The following CPXM2 variants were observed in gnomAD, a reference collection of about 807,000 sequenced individuals.
CPXM2 encodes the protein carboxypeptidase X, M14 family member 2, also known as inactive carboxypeptidase-like protein X2.
Under a neutral mutation model 86.1 loss-of-function variants are expected in CPXM2, and 66 were observed. The observed-to-expected ratio is 0.77, with a 90% CI of 0.63 to 0.94. The LOEUF is 0.94. Among genes scored for constraint, CPXM2 ranks in the 40% least tolerant of loss-of-function variants. The probability of loss-of-function intolerance (pLI) is 0.00; values close to 1 mark genes in which losing one functional copy is unlikely to be tolerated. For missense variants in CPXM2, 948 were observed against 1,026.3 expected, an observed-to-expected ratio of 0.92 and a Z score of 1.04; for synonymous variants, 388 against 400.2, an observed-to-expected ratio of 0.97 and a Z score of 0.36.
intron 2 of CPXM2, among the ~76,000 whole-genome samples, chr10:123,929,841 C>T (rs1349384474): frequency 6.6e-6 from 1 of 152,190 alleles, no homozygotes; most frequent in Admixed American, 6.5e-5. Context: ...GCCAAAGACC[C>T]CATCTGTAAT....
At chr10:123,785,800 AT>A (rs1217492495) in intron 6 of CPXM2, among the ~76,000 whole-genome samples, 5 of 151,648 alleles carry the variant, frequency 3.3e-5, no homozygotes, top group African/African-American at 9.7e-5. Flanking sequence ...GCCTGGCTAA[AT>A]TTTTTGTATT....
rs773246582 is a variant in CPXM2 at position 123,762,091 on chromosome 10, CGCCGCCCTGCAGGTT to C, written c.1543_1557del (p.Asn515_Gly519del). 3 of 1,614,132 alleles carry C rather than the reference CGCCGCCCTGCAGGTT, an allele frequency of 1.9e-6. No individual in the cohort carries two copies. Among genetic ancestry groups the C allele is most frequent in the East Asian group, 2.2e-5 (1 of 44,872 alleles). On this transcript the variant is annotated inframe_deletion, in exon 11 of 14. Coordinates refer to ENST00000241305, the MANE Select transcript of CPXM2 (RefSeq NM_198148.3). ...TCGTAGGGGTACGCCACCACCAGCT[CGCCGCCCTGCAGGTT>C]GCCGCCCAGCACAAAAGGGATTTTT...
intron 2 of CPXM2, among the ~76,000 whole-genome samples, chr10:123,935,689 G>A (rs1414829182): frequency 6.6e-6 from 1 of 152,136 alleles, no homozygotes; most frequent in Non-Finnish European, 1.5e-5. Flanking sequence ...CCCAGACAAG[G>A]ATGCAGTCAG....
At chr10:123,768,434 T>C in intron 9 of CPXM2, 92 bp downstream of exon 9, 2 of 688,988 alleles carry the variant, frequency 2.9e-6, no homozygotes, top group Non-Finnish European at 4.4e-6. Context: ...GCTCGGAAGG[T>C]GGAATTTTGC....
intron 6 of CPXM2, among the ~76,000 whole-genome samples, chr10:123,795,155 G>A (rs1225005326): frequency 6.6e-6 from 1 of 152,170 alleles, no homozygotes; most frequent in Non-Finnish European, 1.5e-5. Context: ...GTAGTGATGA[G>A]TACATACACC....
chr10:123,776,975 C>A (rs1024940340), intron 7 of CPXM2: 3 of 152,108 alleles, frequency 2.0e-5, no homozygotes, highest in Non-Finnish European at 4.4e-5. Flanking sequence ...GCCATCGTTC[C>A]TCATTTGTCT....
intron 2 of CPXM2, among the ~76,000 whole-genome samples, chr10:123,932,696 A>G (rs1945676035): frequency 6.6e-6 from 1 of 152,208 alleles, no homozygotes; most frequent in Admixed American, 6.5e-5. Flanking sequence ...ATCAATTTAC[A>G]TAAGGAACGC....
intron 3 of CPXM2, among the ~76,000 whole-genome samples, chr10:123,855,741 A>G (rs946720503): frequency 1.3e-5 from 2 of 152,164 alleles, no homozygotes; most frequent in African/African-American, 4.8e-5. Context: ...ATCCCACCTC[A>G]TTTTAGGTAA....
rs191344681 is a variant in CPXM2 at position 123,929,030 on chromosome 10, C to G, written n.174+10447G>C. Among the ~76,000 whole-genome samples the G allele has an allele frequency of 8.9e-3, 1,363 of 152,308 alleles. 5 individuals carry two copies. The highest frequency in any genetic ancestry group is 0.015 in the Non-Finnish European group (1,010 of 68,030). ...TCCTACAGGGGGCCTATAGCTGGTA[C>G]CTCTCCTAGGCAGGAGTCCAGGACA... On this transcript the variant is annotated intron_variant and non_coding_transcript_variant, in intron 2 of 19. Coordinates refer to the CPXM2 transcript ENST00000368854.
chr10:123,824,107 G>C (rs907884186), intron 4 of CPXM2, among the ~76,000 whole-genome samples: 1 of 152,120 alleles, frequency 6.6e-6, no homozygotes, highest in Non-Finnish European at 1.5e-5. Flanking sequence ...GGACTAAAAA[G>C]CAAAATTTCT....
chr10:123,881,584 T>C (rs1945093646), intron 1 of CPXM2, among the ~76,000 whole-genome samples: 1 of 152,182 alleles, frequency 6.6e-6, no homozygotes, highest in South Asian at 2.1e-4. Flanking sequence ...TGTCCTGACT[T>C]GGGACAAGGA....
At chr10:123,870,599 A>T (rs1944878337) in intron 2 of CPXM2, among the ~76,000 whole-genome samples, 1 of 152,196 alleles carries the variant, frequency 6.6e-6, no homozygotes, top group African/African-American at 2.4e-5. Flanking sequence ...TGCCTTTCTC[A>T]GATACCACTG....
intron 6 of CPXM2, among the ~76,000 whole-genome samples, chr10:123,786,321 G>A (rs17106056): frequency 6.6e-6 from 1 of 152,136 alleles, no homozygotes; most frequent in South Asian, 2.1e-4. Context: ...GAGACGGACG[G>A]GTGGCAAAGG....
In CPXM2 at chr10:123,754,203, T is replaced by C. The variant is rs1397062167; in HGVS notation, c.2017+460A>G. Among the ~76,000 whole-genome samples the C allele has an allele frequency of 6.6e-6, 1 of 152,188 alleles. No homozygotes were observed. Among genetic ancestry groups the C allele is most frequent in the Non-Finnish European group, 1.5e-5 (1 of 68,024 alleles). On this transcript the variant is annotated intron_variant, in intron 13 of 13. Transcript: ENST00000241305. The surrounding 1 kb of genome is among the most constrained non-coding windows in gnomAD (Gnocchi z 4.0). ...CCAACCCACCCCTCCAGCTGTCCTC[T>C]TGCTGCTGGTCCCTTCAAACTCTCC...
chr10:123,750,256 C>A (rs1846045576), intron 13 of CPXM2: 1 of 985,268 alleles, frequency 1.0e-6, no homozygotes. Flanking sequence ...TCCTGAGAGC[C>A]TGAGGGTTCA....
intron 7 of CPXM2, among the ~76,000 whole-genome samples, chr10:123,774,084 A>C (rs1282670764): frequency 2.0e-5 from 3 of 152,242 alleles, no homozygotes; most frequent in Non-Finnish European, 4.4e-5. Flanking sequence ...CAGGCACCTG[A>C]CCATGCAGTA....
In CPXM2 at chr10:123,889,632, A is replaced by G. The variant is rs189246165; in HGVS notation, c.304+1724T>C. Among the ~76,000 whole-genome samples, 322 of 152,348 alleles carry G rather than the reference A, an allele frequency of 2.1e-3. 1 individual carries two copies. Among genetic ancestry groups the G allele is most frequent in the African/African-American group, 7.3e-3 (305 of 41,572 alleles). On this transcript the variant is annotated intron_variant, in intron 1 of 13. Transcript: ENST00000241305. ...GGCAGGCACACTGGAAGCTTTCATT[A>G]AAAAGGTTTTTACAGCAATTGACAA... is the stretch of plus-strand genomic sequence containing the variant.
At chr10:123,859,282 C>T (rs1848804211) in intron 3 of CPXM2, among the ~76,000 whole-genome samples, 1 of 152,246 alleles carries the variant, frequency 6.6e-6, no homozygotes, top group South Asian at 2.1e-4. Context: ...GCATTTCAAA[C>T]CGTTCTGTGT....
chr10:123,818,642 C>T (rs1847862485), intron 4 of CPXM2, among the ~76,000 whole-genome samples: 1 of 152,220 alleles, frequency 6.6e-6, no homozygotes, highest in African/African-American at 2.4e-5. Flanking sequence ...ACTCACTTTA[C>T]AGCTAAAGAA....
Sources: gnomAD v4.1 joint callset for allele counts (sites outside exome capture counted in the v4.1 genomes callset) on GRCh38, gnomAD v4.1.1 for gene constraint, Gnocchi (gnomAD v3.1) non-coding constraint, MANE v1.5 for transcripts, NCBI Gene and HGNC (gene_info 2026-07-23, HGNC 2026-07-21) for gene names.